GLRA2: variants seen among roughly 807,000 people sequenced by gnomAD.
GLRA2 encodes glycine receptor subunit alpha-2.
GLRA2 carries 11 observed loss-of-function variants against 31.6 expected under a neutral mutation model. The observed-to-expected ratio is 0.35, with a 90% CI of 0.22 to 0.58. The LOEUF (loss-of-function observed/expected upper bound fraction) is 0.58, where lower values mean the gene tolerates loss of function less well. Among genes scored for constraint, GLRA2 ranks in the 20% least tolerant of loss-of-function variants. The probability of loss-of-function intolerance (pLI) is 0.84; values close to 1 mark genes in which losing one functional copy is unlikely to be tolerated. For synonymous variants in GLRA2, 132 were observed against 134.0 expected (o/e 0.99, Z 0.10); for missense variants, 212 against 351.8 (o/e 0.60, Z 3.18).
chrX:14,607,271 A>G lies in GLRA2; in HGVS notation c.715+3A>G. The G allele has an allele frequency of 9.0e-7, 1 of 1,108,320 alleles. No individual in the cohort carries two copies. The highest frequency in any genetic ancestry group is 1.2e-6 in the Non-Finnish European group (1 of 838,115). The allele number at this position is 1,108,320 out of a possible 1,213,427, so 91.3% of individuals were successfully genotyped here. ...CTGTACAAAGCACTACAACACTGGT[A>G]AGTTTCTTTTTTTTTTTTTTTCAGC... On this transcript the variant is annotated splice_donor_region_variant and intron_variant, in intron 6 of 8. Transcript: ENST00000218075.
At chrX:14,508,328 T>G in the GLRA2 span, among the ~76,000 whole-genome samples, 2 of 112,229 alleles carry the variant, frequency 1.8e-5, no homozygotes, top group Non-Finnish European at 3.8e-5. Context: ...GTATAGTGAC[T>G]GTAGTAGAAA....
chrX:14,682,957 A>G (rs1334587892), intron 7 of GLRA2, among the ~76,000 whole-genome samples: 2 of 111,317 alleles, frequency 1.8e-5, no homozygotes, highest in African/African-American at 6.5e-5. Context: ...TCATTGATGG[A>G]CATTTGAGTT....
chrX:14,612,711 A>G (rs1174680169), intron 7 of GLRA2, among the ~76,000 whole-genome samples: 1 of 110,103 alleles, frequency 9.1e-6, no homozygotes, highest in Non-Finnish European at 1.9e-5. Flanking sequence ...ATTCTCAGCA[A>G]ACTAACACAA....
At chrX:14,572,456 G>C (rs915054914) in intron 2 of GLRA2, among the ~76,000 whole-genome samples, 4 of 112,279 alleles carry the variant, frequency 3.6e-5, no homozygotes, top group Admixed American at 1.9e-4. Flanking sequence ...ATAATTTCTT[G>C]TGACTTGCCT....
rs1466081321 is a variant in GLRA2 at position 14,548,114 on chromosome X, A to T, written c.202+15742A>T. ...CCCTCCATATGTATCATCTCATTTG[A>T]CTCCTCACTGCATTTTCTTGAATAG... On this transcript the variant is annotated intron_variant, in intron 2 of 8. Coordinates refer to ENST00000218075, the MANE Select transcript of GLRA2 (RefSeq NM_002063.4). Among the ~76,000 whole-genome samples, 9 of 111,450 alleles carry T rather than the reference A, an allele frequency of 8.1e-5. No homozygotes were observed. In the Admixed American group the frequency reaches 8.6e-4, roughly 11 times the overall value.
At chrX:14,726,350 T>G in intron 8 of GLRA2, among the ~76,000 whole-genome samples, 2 of 112,290 alleles carry the variant, frequency 1.8e-5, no homozygotes, top group Admixed American at 1.9e-4. Flanking sequence ...GTTCTATATT[T>G]AAAAGGCATT....
intron 8 of GLRA2, among the ~76,000 whole-genome samples, chrX:14,691,324 TGC>T (rs1556085781): frequency 1.9e-4 from 12 of 64,343 alleles, no homozygotes; most frequent in South Asian, 7.2e-4. Context: ...TGTGTGTGTG[TGC>T]GCGCGTGCGT....
chrX:14,456,798 G>A, the GLRA2 span, among the ~76,000 whole-genome samples: 2 of 111,889 alleles, frequency 1.8e-5, no homozygotes, highest in South Asian at 3.7e-4. Context: ...TGGCTATTGC[G>A]AATAGTGCTG....
chrX:14,698,050 C>T (rs1391100968), intron 8 of GLRA2, among the ~76,000 whole-genome samples: 1 of 111,275 alleles, frequency 9.0e-6, no homozygotes, highest in Non-Finnish European at 1.9e-5. Flanking sequence ...TCTCAATTTA[C>T]AGATGAGGAA....
At chrX:14,610,613 A>G (rs1160357077) in intron 7 of GLRA2, among the ~76,000 whole-genome samples, 1 of 111,854 alleles carries the variant, frequency 8.9e-6, no homozygotes, top group Non-Finnish European at 1.9e-5. Flanking sequence ...TTGCTTATTT[A>G]TTATTAGTCA....
At chrX:14,702,286 C>G (rs2091554796) in intron 8 of GLRA2, among the ~76,000 whole-genome samples, 1 of 111,793 alleles carries the variant, frequency 8.9e-6, no homozygotes, top group Non-Finnish European at 1.9e-5. Flanking sequence ...CAGATTGGAA[C>G]TGTGGAAACA....
intron 7 of GLRA2, among the ~76,000 whole-genome samples, chrX:14,611,921 T>C (rs1348313984): frequency 8.9e-6 from 1 of 112,133 alleles, no homozygotes; most frequent in African/African-American, 3.2e-5. Flanking sequence ...ATATCGCAAT[T>C]ACTTTTGTAC....
the GLRA2 span, among the ~76,000 whole-genome samples, chrX:14,519,011 C>CAAAAAA: frequency 3.7e-5 from 1 of 27,276 alleles, no homozygotes. Flanking sequence ...GACTCGGTCT[C>CAAAAAA]AAAAAAAAAA....
At chrX:14,482,345 T>G in the GLRA2 span, among the ~76,000 whole-genome samples, 1 of 111,663 alleles carries the variant, frequency 9.0e-6, no homozygotes, top group East Asian at 2.8e-4. Context: ...ATTACATGAT[T>G]TCTTTCATCT....
At chrX:14,504,410 TTTTTTG>T in the GLRA2 span, among the ~76,000 whole-genome samples, 8 of 111,697 alleles carry the variant, frequency 7.2e-5, no homozygotes, top group Non-Finnish European at 1.3e-4. Context: ...AAACAGGTTT[TTTTTTG>T]TTTTTGTTTT....
intron 8 of GLRA2, 132 bp downstream of exon 8, chrX:14,690,991 C>A: frequency 1.6e-6 from 1 of 633,038 alleles, no homozygotes; most frequent in Non-Finnish European, 2.4e-6. Context: ...TCCTACTACA[C>A]TGACTTAGTG....
At chrX:14,501,832 T>C in the GLRA2 span, among the ~76,000 whole-genome samples, 5 of 111,524 alleles carry the variant, frequency 4.5e-5, no homozygotes, top group Non-Finnish European at 9.4e-5. Flanking sequence ...ATGTTTTTTT[T>C]TCTGAAAGTT....
chrX:14,546,871 T>A (rs1250924513), intron 2 of GLRA2, among the ~76,000 whole-genome samples: 1 of 111,716 alleles, frequency 9.0e-6, no homozygotes, highest in Admixed American at 9.6e-5. Flanking sequence ...CATAAAAATT[T>A]GGAGCCATGT....
At chrX:14,467,560 G>A in the GLRA2 span, among the ~76,000 whole-genome samples, 56 of 112,493 alleles carry the variant, frequency 5.0e-4, no homozygotes, top group African/African-American at 1.7e-3. Flanking sequence ...TGGATTTGCA[G>A]ACAACATCTA....
Sources: allele counts gnomAD v4.1 joint callset (sites outside exome capture counted in the v4.1 genomes callset), GRCh38; gene constraint gnomAD v4.1.1; transcripts MANE v1.5; gene names NCBI Gene and HGNC (gene_info 2026-07-23, HGNC 2026-07-21).